CAV1: variants seen among roughly 807,000 people sequenced by gnomAD.
The protein encoded by CAV1 is caveolin 1.
CAV1 carries 10 observed loss-of-function variants against 16.5 expected under a neutral mutation model. The ratio of observed to expected loss-of-function variants is 0.61; its 90% confidence interval spans 0.37 to 1.03. The LOEUF (loss-of-function observed/expected upper bound fraction) is 1.03. Ranked by LOEUF, CAV1 falls within the 50% of genes least tolerant of loss-of-function variation. CAV1 has a pLI of 0.01. For synonymous variants in CAV1, 76 were observed against 85.1 expected (o/e 0.89, Z 0.59); for missense variants, 212 against 232.8 (o/e 0.91, Z 0.58).
At chr7:116,549,180 C>T (rs1356661177) in intron 2 of CAV1, among the ~76,000 whole-genome samples, 1 of 152,200 alleles carries the variant, frequency 6.6e-6, no homozygotes, top group Non-Finnish European at 1.5e-5. Context: ...GACAAAGTCA[C>T]TTTTGTCGCC....
rs766386022 is a variant in CAV1, at chr7:116,559,322, T to G, written c.*35T>G. 4 of 1,547,134 alleles carry G rather than the reference T, an allele frequency of 2.6e-6. No homozygotes were observed. The highest frequency in any genetic ancestry group is 3.6e-6 in the Non-Finnish European group (4 of 1,121,700). ...CAAGGATAGAAGTATACCTGATTTT[T>G]TTTCCTTTTAATTTTCCTGGTGCCA... On this transcript the variant is annotated 3_prime_UTR_variant, in exon 3 of 3. Transcript: ENST00000341049.
At chr7:116,550,601 C>G (rs913385520) in intron 2 of CAV1, among the ~76,000 whole-genome samples, 1 of 152,154 alleles carries the variant, frequency 6.6e-6, no homozygotes, top group East Asian at 1.9e-4. Flanking sequence ...TCTCAACCTC[C>G]TCTGCACCCA....
At chr7:116,540,430 C>T (rs1228165927) in intron 2 of CAV1, among the ~76,000 whole-genome samples, 1 of 152,122 alleles carries the variant, frequency 6.6e-6, no homozygotes, top group Non-Finnish European at 1.5e-5. Context: ...AATAGCTTTC[C>T]TATCAACAGG....
chr7:116,526,219 C>G, intron 1 of CAV1: 4 of 996,844 alleles, frequency 4.0e-6, no homozygotes, highest in Non-Finnish European at 4.9e-6. Flanking sequence ...CGTGCGCGGG[C>G]GGGGGCCTTC....
chr7:116,548,573 A>C lies in CAV1; in HGVS notation c.196-10373A>C, dbSNP rs17588703. On this transcript the variant is annotated intron_variant, in intron 2 of 2. Coordinates refer to ENST00000341049, the MANE Select transcript of CAV1 (RefSeq NM_001753.5). Reference sequence around the variant, plus strand: ...TTGGATGGCAGGTATGGATGTAGACAATAAAGAGCAACCAGAGTCCATGGG... The same window carrying C: ...TTGGATGGCAGGTATGGATGTAGACCATAAAGAGCAACCAGAGTCCATGGG... 9.6e-3 allele frequency among the ~76,000 whole-genome samples: 1,465 copies of C among 152,274 alleles called. 25 individuals are homozygous for C. Among genetic ancestry groups the C allele is most frequent in the African/African-American group, 0.033 (1,391 of 41,560 alleles).
At chr7:116,556,195 G>A (rs1165112533) in intron 2 of CAV1, among the ~76,000 whole-genome samples, 1 of 152,112 alleles carries the variant, frequency 6.6e-6, no homozygotes, top group Non-Finnish European at 1.5e-5. Context: ...AAAATAATTT[G>A]AATTTATGCT....
chr7:116,533,831 A>C (rs1042702567), intron 2 of CAV1, among the ~76,000 whole-genome samples: 5 of 152,208 alleles, frequency 3.3e-5, no homozygotes. Context: ...GCAAAATAGG[A>C]ATATATATTT....
intron 2 of CAV1, among the ~76,000 whole-genome samples, chr7:116,554,091 A>G (rs1794216976): frequency 6.6e-6 from 1 of 152,190 alleles, no homozygotes; most frequent in South Asian, 2.1e-4. Flanking sequence ...TCTATCTCAT[A>G]TGTGACTCTA....
chr7:116,553,970 A>C (rs1057075736), intron 2 of CAV1, among the ~76,000 whole-genome samples: 2 of 152,190 alleles, frequency 1.3e-5, no homozygotes, highest in African/African-American at 4.8e-5. Context: ...GACAGCAAGC[A>C]GTAGTGGAAG....
At chr7:116,536,460 A>G (rs1793818985) in intron 2 of CAV1, among the ~76,000 whole-genome samples, 3 of 152,192 alleles carry the variant, frequency 2.0e-5, no homozygotes, top group Admixed American at 2.0e-4. Flanking sequence ...GTCAACCACA[A>G]AGAAGAGAGT....
rs1023674052 is a variant in CAV1, at chr7:116,526,242, G to T, written c.31-283G>T. ...GGCGGGGGCCTTCGGACCGCGCGGCGGGGCCTGCCCTGACCCCTGGCGGCG... is the reference window on the plus strand; with the variant it reads ...GGCGGGGGCCTTCGGACCGCGCGGCTGGGCCTGCCCTGACCCCTGGCGGCG... On this transcript the variant is annotated intron_variant, in intron 1 of 2. Transcript: ENST00000341049. The T allele has an allele frequency of 2.7e-6, 3 of 1,093,666 alleles. No individual in the cohort carries two copies. The African/African-American group carries it at 5.1e-5, about 18-fold the overall frequency. The allele number at this position is 1,093,666 out of a possible 1,614,324, so 67.7% of individuals were successfully genotyped here. A position where few individuals can be genotyped will look rare whatever the true frequency, so the allele number is the denominator to read the frequency against.
At chr7:116,550,918 A>T (rs756537018) in intron 2 of CAV1, among the ~76,000 whole-genome samples, 34 of 152,330 alleles carry the variant, frequency 2.2e-4, no homozygotes, top group Non-Finnish European at 4.0e-4. Context: ...AAAGCCTCTC[A>T]AAAAGTAGCT....
chr7:116,553,875 T>C (rs986721906), intron 2 of CAV1, among the ~76,000 whole-genome samples: 2 of 152,202 alleles, frequency 1.3e-5, no homozygotes, highest in African/African-American at 4.8e-5. Flanking sequence ...AATAGGCCTG[T>C]GGGACCTCTT....
At chr7:116,555,166 G>A (rs181180465) in intron 2 of CAV1, among the ~76,000 whole-genome samples, 9 of 152,118 alleles carry the variant, frequency 5.9e-5, no homozygotes, top group East Asian at 5.8e-4. Flanking sequence ...GTCACAGCCC[G>A]GTGCAGTAGC....
At chr7:116,552,358 T>C (rs745328897) in intron 2 of CAV1, among the ~76,000 whole-genome samples, 4 of 152,214 alleles carry the variant, frequency 2.6e-5, no homozygotes, top group Non-Finnish European at 4.4e-5. Context: ...AGACCAGTAG[T>C]GTTGAAAAGA....
At chr7:116,554,675 T>C (rs980043949) in intron 2 of CAV1, among the ~76,000 whole-genome samples, 2 of 152,132 alleles carry the variant, frequency 1.3e-5, no homozygotes, top group African/African-American at 4.8e-5. Flanking sequence ...GAACATACCA[T>C]TCAGAGCCAT....
chr7:116,528,885 A>G (rs1793627574), intron 2 of CAV1, among the ~76,000 whole-genome samples: 1 of 152,018 alleles, frequency 6.6e-6, no homozygotes, highest in South Asian at 2.1e-4. Context: ...GCTGGAGTGC[A>G]GTGGCATGAT....
intron 2 of CAV1, among the ~76,000 whole-genome samples, chr7:116,529,742 C>T (rs1793644432): frequency 6.6e-6 from 1 of 152,154 alleles, no homozygotes; most frequent in Non-Finnish European, 1.5e-5. Flanking sequence ...AAATTAATTT[C>T]TCATCTTACT....
intron 2 of CAV1, among the ~76,000 whole-genome samples, chr7:116,550,573 A>G (rs1794138824): frequency 6.6e-6 from 1 of 152,182 alleles, no homozygotes; most frequent in Non-Finnish European, 1.5e-5. Flanking sequence ...TGTTCTGGTA[A>G]CATTTAATTG....
Sources: allele counts gnomAD v4.1 joint callset (sites outside exome capture counted in the v4.1 genomes callset), GRCh38; gene constraint gnomAD v4.1.1; transcripts MANE v1.5; gene names NCBI Gene and HGNC (gene_info 2026-07-23, HGNC 2026-07-21).